The following RYR3 variants were observed in gnomAD, a reference collection of about 807,000 sequenced individuals.
RYR3 encodes brain ryanodine receptor-calcium release channel.
In RYR3, 207 loss-of-function variants were observed where a neutral mutation model predicts 584.3. The observed-to-expected ratio is 0.35, with a 90% CI of 0.32 to 0.40. The LOEUF (loss-of-function observed/expected upper bound fraction) is 0.40, where lower values mean the gene tolerates loss of function less well. Among genes scored for constraint, RYR3 ranks in the 10% least tolerant of loss-of-function variants. The pLI, the probability that RYR3 is intolerant of heterozygous loss-of-function variation, is 1.00. For synonymous variants in RYR3, 2,416 were observed against 2,248.5 expected, an observed-to-expected ratio of 1.07 and a Z score of -2.11; for missense variants, 5,616 against 6,089.2, an observed-to-expected ratio of 0.92 and a Z score of 2.59.
chr15:33,520,099 A>G (rs1446242472), intron 3 of RYR3, among the ~76,000 whole-genome samples: 2 of 152,220 alleles, frequency 1.3e-5, no homozygotes, highest in African/African-American at 4.8e-5. Flanking sequence ...GAACTGCAGG[A>G]AAGGGGGAGG....
chr15:33,836,463 C>T (rs1273996975), intron 87 of RYR3, among the ~76,000 whole-genome samples: 1 of 150,978 alleles, frequency 6.6e-6, no homozygotes, highest in Non-Finnish European at 1.5e-5. Context: ...AATTAGGAGA[C>T]TCTAAATTAA....
At chr15:33,435,972 A>C (rs1041755536) in intron 1 of RYR3, among the ~76,000 whole-genome samples, 19 of 151,998 alleles carry the variant, frequency 1.3e-4, no homozygotes, top group African/African-American at 3.9e-4. Context: ...CTGATTCGTC[A>C]ATTTTACAGA....
chr15:33,500,000 T>TACAGCCAC (rs1434200506), intron 2 of RYR3, among the ~76,000 whole-genome samples: 13 of 152,218 alleles, frequency 8.5e-5, no homozygotes, highest in Admixed American at 7.9e-4. Flanking sequence ...GCAATCTGTC[T>TACAGCCAC]ACAGCCACAG....
chr15:33,852,764 TAATCTGTCATCAC>T (rs2079235742), intron 94 of RYR3: 1 of 343,222 alleles, frequency 2.9e-6, no homozygotes. Context: ...TGTCTCTGTC[TAATCTGTCATCAC>T]AATTCTTGGC....
At chr15:33,787,957 G>T (rs2074844430) in intron 66 of RYR3, among the ~76,000 whole-genome samples, 1 of 152,222 alleles carries the variant, frequency 6.6e-6, no homozygotes, top group South Asian at 2.1e-4. Context: ...GTGCATGAGA[G>T]GTTCGAGGGA....
chr15:33,550,236 A>G lies in RYR3; in HGVS notation c.892A>G (p.Thr298Ala). 1 of 1,613,698 alleles carries G rather than the reference A, an allele frequency of 6.2e-7. No individual in the cohort carries two copies. The highest frequency in any genetic ancestry group is 8.5e-7 in the Non-Finnish European group (1 of 1,179,736). The part of the protein sequence containing the change: ...HLTTGHYLAL[T>A]EDQGLILQDR... Reference sequence around the variant, plus strand: ...CACCACAGGCCACTACCTGGCCTTGACAGAAGACCAAGGCCTTATACTGCA... The same window carrying G: ...CACCACAGGCCACTACCTGGCCTTGGCAGAAGACCAAGGCCTTATACTGCA... The change falls in exon 10 of 104, where the codon ACA becomes GCA. Residue 298 changes from threonine (T) to alanine (A), a missense_variant. By Grantham distance (58) the Thr-to-Ala change is moderately conservative. Coordinates refer to ENST00000634891, the MANE Select transcript of RYR3 (RefSeq NM_001036.6).
intron 2 of RYR3, among the ~76,000 whole-genome samples, chr15:33,499,585 A>G (rs1041601321): frequency 6.6e-6 from 1 of 152,134 alleles, no homozygotes; most frequent in Non-Finnish European, 1.5e-5. Flanking sequence ...TGTTTTTTGG[A>G]TATGCTTGAC....
chr15:33,585,103 C>T (rs2058781629), intron 15 of RYR3, among the ~76,000 whole-genome samples: 2 of 151,988 alleles, frequency 1.3e-5, no homozygotes, highest in African/African-American at 2.4e-5. Context: ...GGTATACGCC[C>T]CTCAAGGGGA....
At chr15:33,403,071 T>C (rs938428321) in intron 1 of RYR3, among the ~76,000 whole-genome samples, 2 of 152,226 alleles carry the variant, frequency 1.3e-5, no homozygotes, top group Admixed American at 1.3e-4. Context: ...GTATCTTTAA[T>C]ATGAGGCAGT....
At chr15:33,346,109 T>C (rs998119905) in intron 1 of RYR3, among the ~76,000 whole-genome samples, 2 of 152,336 alleles carry the variant, frequency 1.3e-5, no homozygotes, top group Middle Eastern at 3.4e-3. Context: ...ACAATAATAC[T>C]ATACCAACTT....
chr15:33,644,944 C>T lies in RYR3; in HGVS notation c.3765+425C>T, dbSNP rs758408101. ...GGAGGATCCCTTGAGCTCGGGAGTT[C>T]GAGGCTGCAGTGAGCTATGATCACA... On this transcript the variant is annotated intron_variant, in intron 28 of 103. Transcript: ENST00000634891. Among the ~76,000 whole-genome samples the T allele has an allele frequency of 5.3e-5, 8 of 151,626 alleles. No homozygotes were observed. In the South Asian group the frequency reaches 6.3e-4, roughly 12 times the overall value.
intron 1 of RYR3, among the ~76,000 whole-genome samples, chr15:33,413,805 A>G (rs2141517250): frequency 6.6e-6 from 1 of 152,176 alleles, no homozygotes; most frequent in African/African-American, 2.4e-5. Flanking sequence ...CTTTTTCCCC[A>G]TGTATTTGGG....
chr15:33,594,307 C>G (rs1227554425), intron 16 of RYR3, among the ~76,000 whole-genome samples: 1 of 152,174 alleles, frequency 6.6e-6, no homozygotes, highest in African/African-American at 2.4e-5. Flanking sequence ...TCTTATTGTA[C>G]TTATGCAAAT....
At chr15:33,807,786 C>A in intron 70 of RYR3, 1 of 590,856 alleles carries the variant, frequency 1.7e-6, no homozygotes, top group East Asian at 2.8e-5. Context: ...CCAGCCAAGC[C>A]TCACCCTAAC....
intron 12 of RYR3, among the ~76,000 whole-genome samples, chr15:33,574,151 A>G (rs1165174047): frequency 6.6e-6 from 1 of 152,154 alleles, no homozygotes; most frequent in Non-Finnish European, 1.5e-5. Flanking sequence ...GAGACCTGAG[A>G]TTTCCAACTC....
chr15:33,603,243 G>T lies in RYR3; in HGVS notation c.2043G>T (p.Arg681=), dbSNP rs2152555558. Residue 681 remains arginine, a synonymous_variant, in exon 18 of 104, where the codon CGG becomes CGT. Coordinates refer to ENST00000634891, the MANE Select transcript of RYR3 (RefSeq NM_001036.6). ...TAACAGCAGAGCCCACACATCTGCG[G>T]GTGGGCTGGGCCTCTTCTTCAGGCT... is the stretch of plus-strand genomic sequence containing the variant. ...PFLTAEPTHL[R]VGWASSSGYA... is the part of the protein sequence containing the mutation. The T allele has an allele frequency of 1.2e-6, 2 of 1,613,922 alleles. No homozygotes were observed. The highest frequency in any genetic ancestry group is 1.7e-6 in the Non-Finnish European group (2 of 1,179,838).
intron 1 of RYR3, among the ~76,000 whole-genome samples, chr15:33,369,012 CTT>C (rs1479231303): frequency 6.6e-6 from 1 of 152,182 alleles, no homozygotes; most frequent in African/African-American, 2.4e-5. Flanking sequence ...GACAGACAGA[CTT>C]TTCCTGGACC....
rs1432799543 is a variant in RYR3, at chr15:33,838,915, C to G, written c.12935C>G (p.Pro4312Arg). Residue 4312 changes from proline to arginine, a missense_variant, in exon 89 of 104, where the codon CCC becomes CGC. By Grantham distance (103) the Pro-to-Arg change is moderately radical. Around this residue, in one of 9 missense-constraint regions of RYR3, gnomAD observed 918 missense variants for 887.4 expected, o/e 1.03. Coordinates refer to ENST00000634891, the MANE Select transcript of RYR3 (RefSeq NM_001036.6). ...DLSEIIGKDEPPTLESTVQKK... is the reference protein window; with the variant it reads ...DLSEIIGKDERPTLESTVQKK... ...TCAGAAATTATTGGCAAGGATGAACCCCCTACATTAGAGAGTACTGTACAG... is the reference window on the plus strand; with the variant it reads ...TCAGAAATTATTGGCAAGGATGAACGCCCTACATTAGAGAGTACTGTACAG... 6.2e-7 allele frequency: 1 copy of G among 1,613,734 alleles called. No individual in the cohort carries two copies. Among genetic ancestry groups the G allele is most frequent in the East Asian group, 2.2e-5 (1 of 44,870 alleles).
intron 3 of RYR3, among the ~76,000 whole-genome samples, chr15:33,517,948 C>T (rs1453130477): frequency 2.0e-5 from 3 of 152,088 alleles, no homozygotes; most frequent in Admixed American, 6.5e-5. Context: ...TTATGGAACA[C>T]CTACTGTATG....
Sources: gnomAD v4.1 joint callset for allele counts (sites outside exome capture counted in the v4.1 genomes callset) on GRCh38, gnomAD v4.1.1 for gene constraint, gnomAD v4.1.1 regional missense constraint, MANE v1.5 for transcripts, NCBI Gene and HGNC (gene_info 2026-07-23, HGNC 2026-07-21) for gene names.